The following LHFPL6 variants were observed in gnomAD, a reference collection of about 807,000 sequenced individuals.
LHFPL6 encodes the protein LHFPL tetraspan subfamily member 6 protein.
In LHFPL6, 9 loss-of-function variants were observed where a neutral mutation model predicts 20.6. The ratio of observed to expected loss-of-function variants is 0.44; its 90% confidence interval spans 0.26 to 0.76. The LOEUF (loss-of-function observed/expected upper bound fraction) is 0.76, where lower values mean the gene tolerates loss of function less well. LHFPL6 is among the 30% of genes least tolerant of loss of function. LHFPL6 has a pLI of 0.20. For synonymous variants in LHFPL6, 105 were observed against 98.7 expected (o/e 1.06, Z -0.38); for missense variants, 218 against 253.5 (o/e 0.86, Z 0.95).
At chr13:39,474,043 T>C (rs1274590404) in intron 2 of LHFPL6, among the ~76,000 whole-genome samples, 2 of 152,240 alleles carry the variant, frequency 1.3e-5, no homozygotes, top group Non-Finnish European at 2.9e-5. Flanking sequence ...CAGTCATTGA[T>C]TCGAGGCCAA....
chr13:39,600,696 AT>A, intron 2 of LHFPL6, 135 bp downstream of exon 2: 1 of 948,356 alleles, frequency 1.1e-6, no homozygotes, highest in Non-Finnish European at 1.4e-6. Context: ...GCAACCTATC[AT>A]CAAAGCCATT....
chr13:39,375,225 C>CT (rs1870256748), intron 3 of LHFPL6, among the ~76,000 whole-genome samples: 1 of 152,222 alleles, frequency 6.6e-6, no homozygotes, highest in African/African-American at 2.4e-5. Context: ...CTGGAGCCAT[C>CT]TTAACCAAGA....
In LHFPL6 at chr13:39,560,504, C is replaced by CTTTTTTTTTTTTTTTTTTTTTTT. The variant is rs376446144; in HGVS notation, c.385+40327_385+40328insAAAAAAAAAAAAAAAAAAAAAAA. ...ATCTCCTTTGGGTTATGCAAATTCT[C>CTTTTTTTTTTTTTTTTTTTTTTT]TTTTTTTTTTTTTTTTTTTTCTTTT... On this transcript the variant is annotated intron_variant, in intron 2 of 3. Coordinates refer to ENST00000379589, the MANE Select transcript of LHFPL6 (RefSeq NM_005780.3). Among the ~76,000 whole-genome samples, 10 of 118,180 alleles carry CTTTTTTTTTTTTTTTTTTTTTTT rather than the reference C, an allele frequency of 8.5e-5. 1 individual carries two copies. Among genetic ancestry groups the CTTTTTTTTTTTTTTTTTTTTTTT allele is most frequent in the Non-Finnish European group, 1.2e-4 (7 of 59,972 alleles). The allele number at this position is 118,180 out of a possible 152,430, so 77.5% of individuals were successfully genotyped here. A position where few individuals can be genotyped will look rare whatever the true frequency, so the allele number is the denominator to read the frequency against.
chr13:39,369,567 T>TTTTC (rs1870101870), intron 3 of LHFPL6, among the ~76,000 whole-genome samples: 1 of 27,798 alleles, frequency 3.6e-5, no homozygotes, highest in African/African-American at 9.9e-5. Context: ...TCATAGTAGG[T>TTTTC]TTCCTTCCTT....
intron 2 of LHFPL6, among the ~76,000 whole-genome samples, chr13:39,564,883 C>G (rs923426306): frequency 3.9e-5 from 6 of 152,190 alleles, no homozygotes; most frequent in African/African-American, 1.4e-4. Flanking sequence ...TCTGTAAACT[C>G]TGTCTCTATA....
At chr13:39,443,845 C>CA (rs1440485495) in intron 2 of LHFPL6, among the ~76,000 whole-genome samples, 1 of 151,230 alleles carries the variant, frequency 6.6e-6, no homozygotes, top group Non-Finnish European at 1.5e-5. Context: ...CAATAAGTTA[C>CA]ATGAGATATT....
At chr13:39,390,870 A>G (rs1870691472) in intron 2 of LHFPL6, among the ~76,000 whole-genome samples, 1 of 151,666 alleles carries the variant, frequency 6.6e-6, no homozygotes. Flanking sequence ...GGTGGCGTGC[A>G]CCTGTAATCC....
chr13:39,525,473 A>G (rs1250854261), intron 2 of LHFPL6, among the ~76,000 whole-genome samples: 2 of 152,220 alleles, frequency 1.3e-5, no homozygotes, highest in African/African-American at 4.8e-5. Flanking sequence ...TCTGCATTTA[A>G]TATTATTTTA....
At chr13:39,409,765 G>C (rs183822175) in intron 2 of LHFPL6, among the ~76,000 whole-genome samples, 5 of 152,266 alleles carry the variant, frequency 3.3e-5, no homozygotes. Context: ...TTTGGTTAGG[G>C]AAGATATAAT....
chr13:39,353,629 G>A (rs1316691926), intron 3 of LHFPL6, among the ~76,000 whole-genome samples: 1 of 152,116 alleles, frequency 6.6e-6, no homozygotes, highest in African/African-American at 2.4e-5. Flanking sequence ...TAGGGAGGCT[G>A]AGGCAGGAGA....
chr13:39,559,335 G>A (rs1295278349), intron 2 of LHFPL6, among the ~76,000 whole-genome samples: 1 of 152,192 alleles, frequency 6.6e-6, no homozygotes. Context: ...AGGAGACAAA[G>A]TGTTTATTCT....
chr13:39,465,305 A>C (rs1872775925), intron 2 of LHFPL6, among the ~76,000 whole-genome samples: 1 of 152,152 alleles, frequency 6.6e-6, no homozygotes, highest in African/African-American at 2.4e-5. Context: ...TGCTAGCGGC[A>C]TGCCAACCTA....
At chr13:39,469,716 T>C (rs9532381) in intron 2 of LHFPL6, among the ~76,000 whole-genome samples, 14 of 152,316 alleles carry the variant, frequency 9.2e-5, no homozygotes, top group East Asian at 1.9e-4. Flanking sequence ...GTAAGCTACA[T>C]AGAGCTTCTC....
chr13:39,481,963 G>A (rs1447566507), intron 2 of LHFPL6, among the ~76,000 whole-genome samples: 1 of 152,082 alleles, frequency 6.6e-6, no homozygotes, highest in African/African-American at 2.4e-5. Context: ...AGATTATAGG[G>A]TGAAAGAACA....
At chr13:39,450,546 G>C (rs1872413407) in intron 2 of LHFPL6, among the ~76,000 whole-genome samples, 1 of 152,116 alleles carries the variant, frequency 6.6e-6, no homozygotes, top group Non-Finnish European at 1.5e-5. Flanking sequence ...GCTATATAAA[G>C]AGATATCTGT....
At chr13:39,427,883 G>C (rs902083128) in intron 2 of LHFPL6, among the ~76,000 whole-genome samples, 4 of 152,232 alleles carry the variant, frequency 2.6e-5, no homozygotes, top group Non-Finnish European at 5.9e-5. Flanking sequence ...TAGTTAATTT[G>C]ATAGAGTTAT....
intron 2 of LHFPL6, among the ~76,000 whole-genome samples, chr13:39,538,585 A>G (rs538976230): frequency 1.7e-4 from 26 of 151,422 alleles, no homozygotes; most frequent in Non-Finnish European, 3.1e-4. Flanking sequence ...CGAAAGGTAC[A>G]TATCTTGATT....
chr13:39,363,270 C>G (rs1869925822), intron 3 of LHFPL6, among the ~76,000 whole-genome samples: 1 of 152,048 alleles, frequency 6.6e-6, no homozygotes, highest in South Asian at 2.1e-4. Flanking sequence ...TAAATTCAAG[C>G]CTTGTCAAAA....
chr13:39,473,680 T>A (rs988399207), intron 2 of LHFPL6, among the ~76,000 whole-genome samples: 4 of 152,176 alleles, frequency 2.6e-5, no homozygotes, highest in African/African-American at 9.7e-5. Flanking sequence ...CCTACCTGAG[T>A]CACTTTATGT....
Sources: allele counts gnomAD v4.1 joint callset (sites outside exome capture counted in the v4.1 genomes callset), GRCh38; gene constraint gnomAD v4.1.1; transcripts MANE v1.5; gene names NCBI Gene and HGNC (gene_info 2026-07-23, HGNC 2026-07-21).